The following CA5B variants were observed in gnomAD, a reference collection of about 807,000 sequenced individuals.
The protein encoded by CA5B is carbonic anhydrase 5B, mitochondrial.
A neutral mutation model predicts 23.1 loss-of-function variants in CA5B; 15 were observed. The observed-to-expected ratio is 0.65, with a 90% CI of 0.43 to 1.00. The LOEUF is 1.00. Ranked by LOEUF, CA5B falls within the 50% of genes least tolerant of loss-of-function variation. The pLI is 0.00. For missense variants in CA5B, 236 were observed against 252.2 expected, an observed-to-expected ratio of 0.94 and a Z score of 0.43; for synonymous variants, 84 against 98.5, an observed-to-expected ratio of 0.85 and a Z score of 0.87.
chrX:15,751,938 G>C (rs1931364290), intron 2 of CA5B, among the ~76,000 whole-genome samples: 1 of 111,345 alleles, frequency 9.0e-6, no homozygotes, highest in Non-Finnish European at 1.9e-5. Context: ...TTGTGACCAA[G>C]AATGACCCCA....
intron 3 of CA5B, among the ~76,000 whole-genome samples, chrX:15,770,044 T>G (rs1182630005): frequency 2.7e-5 from 3 of 112,420 alleles, no homozygotes; most frequent in African/African-American, 9.7e-5. Context: ...CCAAGCATGA[T>G]GGCTCATGTC....
At chrX:15,752,690 A>G (rs932064350) in intron 2 of CA5B, among the ~76,000 whole-genome samples, 3 of 108,097 alleles carry the variant, frequency 2.8e-5, no homozygotes, top group Non-Finnish European at 3.8e-5. Flanking sequence ...GCGCCACTGC[A>G]CTCCAGCCTG....
chrX:15,781,622 C>T (rs190939770), intron 7 of CA5B, among the ~76,000 whole-genome samples: 31 of 111,301 alleles, frequency 2.8e-4, no homozygotes, highest in African/African-American at 1.0e-3. Flanking sequence ...AGTTAAGACA[C>T]CTACATGCAG....
At chrX:15,752,360 A>G (rs1010728216) in intron 2 of CA5B, among the ~76,000 whole-genome samples, 2 of 111,995 alleles carry the variant, frequency 1.8e-5, no homozygotes, top group Admixed American at 9.5e-5. Context: ...TTTTACCCCA[A>G]AACATGTTTC....
intron 3 of CA5B, chrX:15,769,399 C>A: frequency 1.6e-6 from 1 of 631,606 alleles, no homozygotes; most frequent in Non-Finnish European, 1.9e-6. Context: ...ATAAGAGAGT[C>A]GAAATACTGT....
At chrX:15,739,013 C>T (rs373192990) in intron 1 of CA5B, among the ~76,000 whole-genome samples, 1 of 112,065 alleles carries the variant, frequency 8.9e-6, no homozygotes, top group African/African-American at 3.2e-5. Flanking sequence ...GGAGAGGAAC[C>T]TCCAAATACA....
intron 2 of CA5B, among the ~76,000 whole-genome samples, chrX:15,752,554 T>G (rs998458427): frequency 9.1e-6 from 1 of 110,065 alleles, no homozygotes; most frequent in Non-Finnish European, 1.9e-5. Flanking sequence ...TGAAACCCCG[T>G]CTCTACTAAA....
At chrX:15,753,678 GC>G (rs1931427413) in intron 2 of CA5B, among the ~76,000 whole-genome samples, 1 of 112,463 alleles carries the variant, frequency 8.9e-6, no homozygotes, top group South Asian at 3.7e-4. Context: ...GGAGGCCAAG[GC>G]AGGTGGATCA....
intron 3 of CA5B, among the ~76,000 whole-genome samples, chrX:15,766,174 A>T (rs1267374328): frequency 9.2e-6 from 1 of 108,369 alleles, no homozygotes. Context: ...AAAAAAAAAA[A>T]AAAAGTAAAT....
chrX:15,750,836 A>G (rs1931342185), intron 2 of CA5B, among the ~76,000 whole-genome samples: 2 of 111,817 alleles, frequency 1.8e-5, no homozygotes, highest in Non-Finnish European at 3.8e-5. Flanking sequence ...CGGATGTGGC[A>G]GGGATTCTCC....
In CA5B at chrX:15,788,003, C is replaced by T. The variant is rs754151139; in HGVS notation, c.*5339C>T. The stretch of plus-strand genomic sequence containing the variant: ...AACTTAAACACTGATGCTTTCAGAA[C>T]GGGCAGCAATTCTCAGCGTAAATTC... On this transcript the variant is annotated 3_prime_UTR_variant, in exon 8 of 8. Coordinates refer to ENST00000318636, the MANE Select transcript of CA5B (RefSeq NM_007220.4). 3 of 112,434 alleles carry T rather than the reference C, an allele frequency of 2.7e-5. No homozygotes were observed. The highest frequency in any genetic ancestry group is 7.2e-4 in the South Asian group (2 of 2,763). The allele number at this position is 112,434 out of a possible 1,213,427, so 9.3% of individuals were successfully genotyped here. A position where few individuals can be genotyped will look rare whatever the true frequency, so the allele number is the denominator to read the frequency against.
intron 2 of CA5B, among the ~76,000 whole-genome samples, chrX:15,751,820 C>G (rs1357557525): frequency 9.0e-6 from 1 of 111,125 alleles, no homozygotes; most frequent in African/African-American, 3.3e-5. Context: ...TGCTCTGGGC[C>G]TTCGAGCCGG....
chrX:15,774,842 A>C (rs1158520327), intron 5 of CA5B, among the ~76,000 whole-genome samples: 1 of 111,871 alleles, frequency 8.9e-6, no homozygotes, highest in Non-Finnish European at 1.9e-5. Flanking sequence ...CATCCCCCCC[A>C]CCACCAAAAA....
chrX:15,774,916 G>A (rs1169310820), intron 5 of CA5B, among the ~76,000 whole-genome samples: 23 of 112,251 alleles, frequency 2.0e-4, no homozygotes. Flanking sequence ...AGCCACATGT[G>A]GCAATTGAGC....
At chrX:15,760,885 C>G (rs1194961828) in intron 2 of CA5B, among the ~76,000 whole-genome samples, 1 of 111,765 alleles carries the variant, frequency 8.9e-6, no homozygotes, top group Non-Finnish European at 1.9e-5. Flanking sequence ...GCTTTTCCCC[C>G]CCAACAATGG....
intron 7 of CA5B, among the ~76,000 whole-genome samples, chrX:15,778,732 C>T (rs1025852436): frequency 6.3e-5 from 7 of 111,032 alleles, no homozygotes; most frequent in African/African-American, 2.3e-4. Flanking sequence ...AAGCAAGGAC[C>T]TTCTTCACAT....
At chrX:15,772,827 C>T (rs1256345554) in intron 4 of CA5B, among the ~76,000 whole-genome samples, 1 of 112,287 alleles carries the variant, frequency 8.9e-6, no homozygotes, top group Admixed American at 9.5e-5. Context: ...GATCCTGAAA[C>T]TGAATTCTTC....
intron 3 of CA5B, chrX:15,764,997 C>G: frequency 2.3e-6 from 1 of 430,334 alleles, no homozygotes; most frequent in Non-Finnish European, 3.9e-6. Flanking sequence ...ATAAATATAT[C>G]TCTATCTCTC....
intron 6 of CA5B, chrX:15,775,774 C>T (rs909113529): frequency 4.0e-6 from 3 of 749,171 alleles, no homozygotes; most frequent in Admixed American, 8.9e-5. Flanking sequence ...CAAAGGGCTG[C>T]TCTCTGGAGG....
Sources: allele counts gnomAD v4.1 joint callset (sites outside exome capture counted in the v4.1 genomes callset), GRCh38; gene constraint gnomAD v4.1.1; transcripts MANE v1.5; gene names NCBI Gene and HGNC (gene_info 2026-07-23, HGNC 2026-07-21).